The following USP37 variants were observed in gnomAD, a reference collection of about 807,000 sequenced individuals.
USP37 encodes the protein ubiquitin carboxyl-terminal hydrolase 37.
A neutral mutation model predicts 124.0 loss-of-function variants in USP37; 27 were observed. The ratio of observed to expected loss-of-function variants is 0.22; its 90% CI spans 0.16 to 0.30. The LOEUF is 0.30. Among genes scored for constraint, USP37 ranks in the 10% least tolerant of loss-of-function variants. The pLI, the probability that USP37 is intolerant of heterozygous loss-of-function variation, is 1.00. For synonymous variants in USP37, 365 were observed against 388.0 expected, an observed-to-expected ratio of 0.94 and a Z score of 0.70; for missense variants, 889 against 1,140.4, an observed-to-expected ratio of 0.78 and a Z score of 3.17.
intron 13 of USP37, among the ~76,000 whole-genome samples, chr2:218,496,795 T>C (rs111672777): frequency 0.049 from 7,441 of 152,016 alleles, 520 homozygotes; most frequent in African/African-American, 0.16. Context: ...ATTACAGACA[T>C]GCGACATCAC....
intron 11 of USP37, among the ~76,000 whole-genome samples, chr2:218,502,519 T>C (rs1045832567): frequency 2.6e-5 from 4 of 151,858 alleles, no homozygotes; most frequent in Admixed American, 1.3e-4. Flanking sequence ...AATCAATATA[T>C]AAAAACGTTC....
chr2:218,456,955 G>A (rs1029713073), intron 24 of USP37, 137 bp downstream of exon 24: 6 of 840,666 alleles, frequency 7.1e-6, no homozygotes, highest in Non-Finnish European at 1.1e-5. Context: ...GGGCAACAGA[G>A]TGAGACTGGA....
intron 10 of USP37, among the ~76,000 whole-genome samples, chr2:218,517,760 T>G (rs1360970143): frequency 6.6e-6 from 1 of 152,212 alleles, no homozygotes; most frequent in African/African-American, 2.4e-5. Context: ...TTATCACTTT[T>G]GGAAAATTCT....
intron 20 of USP37, among the ~76,000 whole-genome samples, chr2:218,471,552 T>C (rs773784842): frequency 2.0e-4 from 30 of 152,232 alleles, no homozygotes; most frequent in Non-Finnish European, 3.4e-4. Context: ...TAAACTTGTA[T>C]ATTGAAATGC....
In USP37 at chr2:218,558,024, T is replaced by C. The variant is rs530386781; in HGVS notation, c.156+474A>G. On this transcript the variant is annotated intron_variant, in intron 4 of 25. Transcript: ENST00000258399. ...CTTCACAGTTAGAAGAAAATAGCTA[T>C]AAAGATAACCTTGAATAATCATCCT... Among the ~76,000 whole-genome samples, 37 of 148,112 alleles carry C rather than the reference T, an allele frequency of 2.5e-4. No individual in the cohort carries two copies. In the South Asian group the frequency reaches 6.4e-3, roughly 25 times the overall value.
chr2:218,558,744 T>A (rs1158847932), intron 3 of USP37, 67 bp from the exon 4 acceptor site: 1 of 1,207,328 alleles, frequency 8.3e-7, no homozygotes, highest in Non-Finnish European at 1.2e-6. Context: ...AGATAAGTTA[T>A]AACTTACTAG....
chr2:218,525,374 T>TG (rs1209393881), intron 10 of USP37, among the ~76,000 whole-genome samples: 2 of 151,830 alleles, frequency 1.3e-5, no homozygotes, highest in African/African-American at 4.8e-5. Context: ...TCCCAGCTAC[T>TG]GGGGGGGTTG....
intron 3 of USP37, among the ~76,000 whole-genome samples, chr2:218,559,160 C>A (rs894828155): frequency 1.3e-5 from 2 of 151,916 alleles, no homozygotes; most frequent in African/African-American, 2.4e-5. Flanking sequence ...ACTGAAAAAA[C>A]ATTAGCCAGG....
intron 1 of USP37, among the ~76,000 whole-genome samples, chr2:218,563,443 T>G (rs1286762321): frequency 6.6e-6 from 1 of 152,234 alleles, no homozygotes; most frequent in South Asian, 2.1e-4. Flanking sequence ...CTTTGTTCAC[T>G]TTATAAACAT....
chr2:218,528,529 T>G (rs2106022986), intron 10 of USP37: 1 of 337,802 alleles, frequency 3.0e-6, no homozygotes, highest in East Asian at 4.5e-5. Flanking sequence ...TGGTGTTTGG[T>G]TTTATGTTCC....
rs762509205 is a variant in USP37 at position 218,488,387 on chromosome 2, T to C, written c.1507A>G (p.Asn503Asp). The C allele has an allele frequency of 1.2e-6, 2 of 1,611,738 alleles. No homozygotes were observed. The highest frequency in any genetic ancestry group is 3.4e-5 in the Admixed American group (2 of 59,554). ...GEIIPKREQFNDLSIDLPRRK... is the reference protein window; with the variant it reads ...GEIIPKREQFDDLSIDLPRRK... ...CGAGGAAGGTCAATAGAGAGGTCAT[T>C]AAACTGTTCTCTTTTGGGGATAATC... The change falls in exon 15 of 26, where the codon AAT (asparagine) becomes GAT (aspartate). Residue 503 changes from asparagine (N) to aspartate (D), a missense_variant. This residue lies in a region of USP37 where 504 missense variants were observed against 714.3 expected (regional missense o/e 0.71). Coordinates refer to ENST00000258399, the MANE Select transcript of USP37 (RefSeq NM_020935.3).
At chr2:218,519,047 T>G (rs1690447393) in intron 10 of USP37, among the ~76,000 whole-genome samples, 1 of 152,212 alleles carries the variant, frequency 6.6e-6, no homozygotes, top group Non-Finnish European at 1.5e-5. Context: ...GACTAAAAAA[T>G]ATAGTTTTTC....
intron 5 of USP37, 49 bp from the exon 6 acceptor site, chr2:218,549,958 T>TG (rs1559224902): frequency 7.3e-7 from 1 of 1,370,890 alleles, no homozygotes; most frequent in East Asian, 2.5e-5. Context: ...ATCACTCACT[T>TG]TAACAAAAAG....
intron 9 of USP37, among the ~76,000 whole-genome samples, chr2:218,534,134 G>C (rs1406747005): frequency 2.0e-5 from 3 of 152,158 alleles, no homozygotes; most frequent in African/African-American, 7.2e-5. Context: ...AAATTCCCTG[G>C]ATTTCTAATA....
chr2:218,527,650 T>C (rs188730136), intron 10 of USP37, among the ~76,000 whole-genome samples: 4 of 152,340 alleles, frequency 2.6e-5, no homozygotes, highest in African/African-American at 9.6e-5. Flanking sequence ...TTGAGAAGAA[T>C]TTTGTATGTA....
In USP37 at chr2:218,453,947, G is replaced by C. The variant is rs1689567876; in HGVS notation, c.*983C>G. 6.6e-6 allele frequency: 1 copy of C among 152,136 alleles called. No homozygotes were observed. Among genetic ancestry groups the C allele is most frequent in the South Asian group, 2.1e-4 (1 of 4,826 alleles). 9.4% of individuals were successfully genotyped at this position (152,136 alleles called of 1,614,324 possible). A position where few individuals can be genotyped will look rare whatever the true frequency, so the allele number is the denominator to read the frequency against. On this transcript the variant is annotated 3_prime_UTR_variant, in exon 26 of 26. Transcript: ENST00000258399. The stretch of plus-strand genomic sequence containing the variant: ...CTTCTTATCCTCCCTATGTTTGAGA[G>C]ACAGAGATGCTAGCATTCTTCCTTA...
chr2:218,457,313 A>C, intron 23 of USP37, 152 bp from the exon 24 acceptor site: 1 of 669,280 alleles, frequency 1.5e-6, no homozygotes, highest in Non-Finnish European at 2.5e-6. Flanking sequence ...CCTTTGACCC[A>C]AGAATTCCAC....
At position 218,546,945 on chromosome 2, in the gene USP37, A is replaced by AGGG; in HGVS notation, c.575_576insCCC (p.Pro192dup). The AGGG allele has an allele frequency of 6.2e-7, 1 of 1,611,838 alleles. No individual in the cohort carries two copies. Among genetic ancestry groups the AGGG allele is most frequent in the South Asian group, 1.1e-5 (1 of 90,348 alleles). On this transcript the variant is annotated inframe_insertion, in exon 7 of 26. Coordinates refer to ENST00000258399, the MANE Select transcript of USP37 (RefSeq NM_020935.3). ...GATTTTCTAGCAACCCTGATCTAAG[A>AGGG]GGTGTTGAAGTAGATGTCAAAGAAG...
rs1339545142 is a variant in USP37, at chr2:218,450,422, C to A, written c.*4508G>T. 6.6e-6 allele frequency: 1 copy of A among 152,584 alleles called. No individual in the cohort carries two copies. Among genetic ancestry groups the A allele is most frequent in the Non-Finnish European group, 1.5e-5 (1 of 68,046 alleles). The allele number at this position is 152,584 out of a possible 1,614,324, so 9.5% of individuals were successfully genotyped here. ...TAAAGAATCAGAATCAAAAGTCACTCTGAACATAAAGAAAAAAAATCATCT... is the reference window on the plus strand; with the variant it reads ...TAAAGAATCAGAATCAAAAGTCACTATGAACATAAAGAAAAAAAATCATCT... On this transcript the variant is annotated 3_prime_UTR_variant, in exon 26 of 26. Coordinates refer to ENST00000258399, the MANE Select transcript of USP37 (RefSeq NM_020935.3).
Sources: allele counts gnomAD v4.1 joint callset (sites outside exome capture counted in the v4.1 genomes callset), GRCh38; gene constraint gnomAD v4.1.1; regional missense constraint gnomAD v4.1.1; transcripts MANE v1.5; gene names NCBI Gene and HGNC (gene_info 2026-07-23, HGNC 2026-07-21).